The following SERPINA11 variants were observed in gnomAD, a reference collection of about 807,000 sequenced individuals.
SERPINA11 encodes the protein serpin family A member 11.
Under a neutral mutation model 29.4 loss-of-function variants are expected in SERPINA11, and 28 were observed. The ratio of observed to expected loss-of-function variants is 0.95; its 90% CI spans 0.70 to 1.30. The LOEUF (loss-of-function observed/expected upper bound fraction) is 1.30. SERPINA11 is among the 50% of genes most tolerant of loss of function. The probability of loss-of-function intolerance (pLI) is 0.00; values close to 1 mark genes in which losing one functional copy is unlikely to be tolerated. For synonymous variants in SERPINA11, 253 were observed against 206.6 expected (o/e 1.22, Z -1.92); for missense variants, 530 against 507.3 (o/e 1.04, Z -0.43).
At chr14:94,442,941 G>A in intron 4 of SERPINA11, 132 bp from the exon 5 acceptor site, 1 of 1,259,884 alleles carries the variant, frequency 7.9e-7, no homozygotes, top group South Asian at 1.5e-5. Context: ...ATGAAGAGAT[G>A]CCTTAAAGAC....
chr14:94,442,965 A>G, intron 4 of SERPINA11, 113 bp downstream of exon 4: 1 of 1,353,080 alleles, frequency 7.4e-7, no homozygotes, highest in Non-Finnish European at 1.0e-6. Context: ...GGTATTAAAT[A>G]GTCTGCACAG....
At chr14:94,451,709 T>C (rs1162635262) in intron 1 of SERPINA11, among the ~76,000 whole-genome samples, 2 of 152,220 alleles carry the variant, frequency 1.3e-5, no homozygotes, top group South Asian at 2.1e-4. Flanking sequence ...TGAAACTCAG[T>C]GTCTCCCTTT....
chr14:94,442,879 C>T (rs1566782389), intron 4 of SERPINA11, 70 bp from the exon 5 acceptor site: 1 of 1,389,140 alleles, frequency 7.2e-7, no homozygotes, highest in South Asian at 1.4e-5. Context: ...TGTATTCCTG[C>T]CATGAAGAAT....
At position 94,448,433 on chromosome 14, in the gene SERPINA11, G is replaced by A. The variant is rs771552464; in HGVS notation, c.342C>T (p.Asp114=). 39 of 1,614,080 alleles carry A rather than the reference G, an allele frequency of 2.4e-5. No individual in the cohort carries two copies. The highest frequency in any genetic ancestry group is 3.1e-5 in the Non-Finnish European group (36 of 1,180,034). Residue 114 remains aspartate, a synonymous_variant, in exon 2 of 5, where the codon GAC becomes GAT. Transcript: ENST00000334708. ...GFNLTETPEA[D]IHQGFRSLLH... The stretch of plus-strand genomic sequence containing the variant: ...GGAGGCTCCGGAAGCCCTGGTGGAT[G>A]TCGGCTTCAGGGGTTTCTGTGAGGT...
At position 94,448,376 on chromosome 14, in the gene SERPINA11, G is replaced by A. The variant is rs1292439843; in HGVS notation, c.399C>T (p.Leu133=). The change falls in exon 2 of 5, where the codon CTC becomes CTT. Residue 133 remains leucine, a synonymous_variant. Coordinates refer to ENST00000334708, the MANE Select transcript of SERPINA11 (RefSeq NM_001080451.2). ...ACAGGGAGTTTCCTACTTTTAGTTC[G>A]AGTTTGGGGCTGGGCAGGGCAAGGG... The part of the protein sequence containing the change: ...LHTLALPSPK[L]ELKVGNSLFL... 9.9e-6 allele frequency: 16 copies of A among 1,614,082 alleles called. No individual in the cohort carries two copies. The highest frequency in any genetic ancestry group is 1.4e-5 in the Non-Finnish European group (16 of 1,180,040).
Position 94,443,242 on chromosome 14 carries a change from A to G in SERPINA11, c.918-17T>C. ...TCCAACAGACTGGAGAGAGAAACAG[A>G]CAGAGAAATGGTGCTCTCTTGTTAA... On this transcript the variant is annotated splice_polypyrimidine_tract_variant and intron_variant, in intron 3 of 4. Transcript: ENST00000334708. 6.2e-7 allele frequency: 1 copy of G among 1,608,488 alleles called. No homozygotes were observed. The highest frequency in any genetic ancestry group is 8.5e-7 in the Non-Finnish European group (1 of 1,177,356).
chr14:94,449,533 T>TTCTTTCTTTCTCTTTC (rs1566784869), intron 1 of SERPINA11, among the ~76,000 whole-genome samples: 1 of 148,638 alleles, frequency 6.7e-6, no homozygotes, highest in African/African-American at 2.6e-5. Flanking sequence ...TTCTTTTTCT[T>TTCTTTCTTTCTCTTTC]TCTTTCTTTC....
Position 94,442,685 on chromosome 14 carries a change from G to A in SERPINA11, c.1190C>T (p.Pro397Leu), listed in dbSNP as rs1898364444. ...GACCTCCCAAAGGAGCAAGAGGAAA[G>A]GCCTGTTGAAGTGGGCATGTGGGTC... is the stretch of plus-strand genomic sequence containing the variant. ...MSDPHAHFNR[P>L]FLLLLWEVTT... Residue 397 changes from proline (P) to leucine (L), a missense_variant, in exon 5 of 5, where the codon CCT (proline) becomes CTT (leucine). Coordinates refer to ENST00000334708, the MANE Select transcript of SERPINA11 (RefSeq NM_001080451.2). 1.2e-6 allele frequency: 2 copies of A among 1,613,266 alleles called. No homozygotes were observed. The highest frequency in any genetic ancestry group is 1.7e-6 in the Non-Finnish European group (2 of 1,179,736).
rs760134986 is a variant in SERPINA11 at position 94,448,369 on chromosome 14, T to C, written c.406A>G (p.Lys136Glu). ...TCTAGGAACAGGGAGTTTCCTACTTTTAGTTCGAGTTTGGGGCTGGGCAGG... is the reference window on the plus strand; with the variant it reads ...TCTAGGAACAGGGAGTTTCCTACTTCTAGTTCGAGTTTGGGGCTGGGCAGG... ...LALPSPKLELKVGNSLFLDKR... is the reference protein window; with the variant it reads ...LALPSPKLELEVGNSLFLDKR... Residue 136 changes from lysine (K) to glutamate (E), a missense_variant, in exon 2 of 5, where the codon AAA becomes GAA. Lys to Glu is a moderately conservative substitution (Grantham distance 56). Transcript: ENST00000334708. 5 of 1,614,186 alleles carry C rather than the reference T, an allele frequency of 3.1e-6. No homozygotes were observed. Among genetic ancestry groups the C allele is most frequent in the Non-Finnish European group, 4.2e-6 (5 of 1,180,028 alleles).
At position 94,448,004 on chromosome 14, in the gene SERPINA11, G is replaced by A. The variant is rs1244594582; in HGVS notation, c.643+128C>T. The A allele has an allele frequency of 1.4e-5, 13 of 911,262 alleles. No individual in the cohort carries two copies. In the East Asian group the frequency reaches 2.9e-4, roughly 20 times the overall value. 56.4% of individuals were successfully genotyped at this position (911,262 alleles called of 1,614,324 possible). A position where few individuals can be genotyped will look rare whatever the true frequency, so the allele number is the denominator to read the frequency against. ...CCACATGGACTGTGGCTACGCAAGG[G>A]TGGGAAAGCTCTATCTTATTCATAG... On this transcript the variant is annotated intron_variant, in intron 2 of 4. Transcript: ENST00000334708.
chr14:94,449,955 C>T (rs1898557012), intron 1 of SERPINA11, among the ~76,000 whole-genome samples: 1 of 152,162 alleles, frequency 6.6e-6, no homozygotes, highest in African/African-American at 2.4e-5. Context: ...AAGAAGAGTG[C>T]CCTCCCCCTT....
intron 1 of SERPINA11, among the ~76,000 whole-genome samples, chr14:94,450,436 C>T (rs2139780800): frequency 6.6e-6 from 1 of 152,092 alleles, no homozygotes; most frequent in East Asian, 1.9e-4. Flanking sequence ...AGGCAGAGAT[C>T]AGGGTGATGC....
chr14:94,447,898 T>C (rs1898476188), intron 2 of SERPINA11, among the ~76,000 whole-genome samples: 1 of 152,234 alleles, frequency 6.6e-6, no homozygotes, highest in African/African-American at 2.4e-5. Flanking sequence ...GGTGTCTCTT[T>C]TGGGAACTCT....
In SERPINA11 at chr14:94,448,399, G is replaced by A. The variant is rs745747922; in HGVS notation, c.376C>T (p.Leu126Phe). The A allele has an allele frequency of 4.0e-5, 65 of 1,614,094 alleles. No homozygotes were observed. The highest frequency in any genetic ancestry group is 5.3e-5 in the Non-Finnish European group (62 of 1,180,044). ...TCGAGTTTGGGGCTGGGCAGGGCAA[G>A]GGTGTGGAGGAGGCTCCGGAAGCCC... ...HQGFRSLLHT[L>F]ALPSPKLELK... Residue 126 changes from leucine (L) to phenylalanine (F), a missense_variant, in exon 2 of 5, where the codon CTT (leucine) becomes TTT (phenylalanine). Coordinates refer to ENST00000334708, the MANE Select transcript of SERPINA11 (RefSeq NM_001080451.2).
In SERPINA11 at chr14:94,442,665, C is replaced by A; in HGVS notation, c.1210G>T (p.Glu404Ter). 6.2e-7 allele frequency: 1 copy of A among 1,612,820 alleles called. No homozygotes were observed. Among genetic ancestry groups the A allele is most frequent in the Non-Finnish European group, 8.5e-7 (1 of 1,179,492 alleles). The change falls in exon 5 of 5, where the codon GAG becomes TAG. Residue 404 changes from glutamate (E) to a stop codon, truncating the protein, a stop_gained. Coordinates refer to ENST00000334708, the MANE Select transcript of SERPINA11 (RefSeq NM_001080451.2). LOFTEE classifies it high-confidence loss of function. ...FNRPFLLLLW[E>*]VTTQSLLFLG... ...AAGAGTAAGCTCTGGGTGGTGACCT[C>A]CCAAAGGAGCAAGAGGAAAGGCCTG... is the stretch of plus-strand genomic sequence containing the variant.
intron 3 of SERPINA11, among the ~76,000 whole-genome samples, chr14:94,444,326 C>G (rs1490646766): frequency 6.6e-6 from 1 of 152,124 alleles, no homozygotes; most frequent in East Asian, 1.9e-4. Flanking sequence ...TGGAGTGAAA[C>G]ATGGCAGAGT....
intron 3 of SERPINA11, 112 bp downstream of exon 3, chr14:94,446,219 A>G: frequency 9.6e-7 from 1 of 1,039,250 alleles, no homozygotes; most frequent in South Asian, 1.5e-5. Context: ...AGTAAAGGAC[A>G]AGATGGTGAG....
intron 3 of SERPINA11, among the ~76,000 whole-genome samples, chr14:94,445,612 A>G (rs551844335): frequency 1.3e-5 from 2 of 152,358 alleles, no homozygotes; most frequent in South Asian, 4.1e-4. Flanking sequence ...TTTGTTGCCC[A>G]GACTGGAGTG....
At chr14:94,451,290 C>T (rs904747926) in intron 1 of SERPINA11, among the ~76,000 whole-genome samples, 3 of 152,188 alleles carry the variant, frequency 2.0e-5, no homozygotes, top group Admixed American at 6.5e-5. Context: ...TGTTGAAATG[C>T]GTTTGCTGGT....
Sources: gnomAD v4.1 joint callset for allele counts (sites outside exome capture counted in the v4.1 genomes callset) on GRCh38, gnomAD v4.1.1 for gene constraint, MANE v1.5 for transcripts, NCBI Gene and HGNC (gene_info 2026-07-23, HGNC 2026-07-21) for gene names.